Variants in TTYH1 observed in about 807,000 individuals in gnomAD.
The protein encoded by TTYH1 is protein tweety homolog 1.
Under a neutral mutation model 61.2 loss-of-function variants are expected in TTYH1, and 33 were observed. The ratio of observed to expected loss-of-function variants is 0.54; its 90% confidence interval spans 0.41 to 0.72. TTYH1 has a LOEUF of 0.72. Among genes scored for constraint, TTYH1 ranks in the 30% least tolerant of loss-of-function variants. TTYH1 has a pLI of 0.00. For missense variants in TTYH1, 538 were observed against 575.8 expected (o/e 0.93, Z 0.67); for synonymous variants, 308 against 266.4 (o/e 1.16, Z -1.52).
In TTYH1 at chr19:54,426,776, C is replaced by T. The variant is rs1292057662; in HGVS notation, c.734+8C>T. 1.2e-6 allele frequency: 2 copies of T among 1,612,450 alleles called. No individual in the cohort carries two copies. Among genetic ancestry groups the T allele is most frequent in the Non-Finnish European group, 1.7e-6 (2 of 1,179,480 alleles). ...CAAGTGGCTGGTGATCGTGTAAGTGCAGGCAGTAGGGGGACCCAGTGCTTG... is the reference window on the plus strand; with the variant it reads ...CAAGTGGCTGGTGATCGTGTAAGTGTAGGCAGTAGGGGGACCCAGTGCTTG... On this transcript the variant is annotated splice_region_variant and intron_variant, in intron 5 of 13. Transcript: ENST00000376530.
chr19:54,430,970 G>A, intron 9 of TTYH1, 65 bp downstream of exon 9: 1 of 1,571,720 alleles, frequency 6.4e-7, no homozygotes, highest in East Asian at 2.2e-5. Flanking sequence ...GCGGGATGGA[G>A]CTGTGGGGCG....
At position 54,422,234 on chromosome 19, in the gene TTYH1, G is replaced by A. The variant is rs1342430674; in HGVS notation, c.462G>A (p.Glu154=). The change falls in exon 4 of 14, where the codon GAG becomes GAA. Residue 154 remains glutamate (E), a synonymous_variant. Transcript: ENST00000376530. ...VERLGEAVRT[E]LTTLEEVLEP... ...GGCTGGGCGAGGCGGTGAGGACAGAGCTGACCACCCTGGAGGAGGTGCTCG... is the reference window on the plus strand; with the variant it reads ...GGCTGGGCGAGGCGGTGAGGACAGAACTGACCACCCTGGAGGAGGTGCTCG... 1 of 1,567,804 alleles carries A rather than the reference G, an allele frequency of 6.4e-7. No homozygotes were observed. The highest frequency in any genetic ancestry group is 1.9e-5 in the Admixed American group (1 of 52,078).
Position 54,436,339 on chromosome 19 carries a change from C to A in TTYH1, c.*49C>A. 6.2e-7 allele frequency: 1 copy of A among 1,614,194 alleles called. No individual in the cohort carries two copies. On this transcript the variant is annotated 3_prime_UTR_variant, in exon 14 of 14. Transcript: ENST00000376530. The surrounding 1 kb of genome is among the most constrained non-coding windows in gnomAD (Gnocchi z 4.3). ...TCTCTCCCTCTCTCCGCAGTTCCTT[C>A]CCTGGCTGCCGGAGGAGACCCCACT...
In TTYH1 at chr19:54,429,223, C is replaced by T. The variant is rs926597460; in HGVS notation, c.735-84C>T. 8.4e-5 allele frequency: 107 copies of T among 1,270,708 alleles called. No homozygotes were observed. In the Admixed American group the frequency reaches 9.3e-4, roughly 11 times the overall value. 78.7% of individuals were successfully genotyped at this position (1,270,708 alleles called of 1,614,324 possible). A position where few individuals can be genotyped will look rare whatever the true frequency, so the allele number is the denominator to read the frequency against. On this transcript the variant is annotated intron_variant, in intron 5 of 13. Coordinates refer to ENST00000376530, the MANE Select transcript of TTYH1 (RefSeq NM_020659.4). This position sits in a 1 kb window ranked among gnomAD's most constrained non-coding sequence, Gnocchi z 5.1. ...TCCAGAGGTGGGTGGAGGTGGGGGG[C>T]GGCTGTGATGGGATTTGGGGTGTGG...
rs1186117645 is a variant in TTYH1 at position 54,419,300 on chromosome 19, C to G, written c.299C>G (p.Ala100Gly). 1 of 1,598,184 alleles carries G rather than the reference C, an allele frequency of 6.3e-7. No individual in the cohort carries two copies. The highest frequency in any genetic ancestry group is 2.2e-5 in the East Asian group (1 of 44,832). ...VTWSCIVALL[A>G]GCTGIGIGFY... ...TGGAGCTGCATTGTCGCCCTTCTCGCCGGCTGGTAATGGGGCCCCAGGGTG... is the reference window on the plus strand; with the variant it reads ...TGGAGCTGCATTGTCGCCCTTCTCGGCGGCTGGTAATGGGGCCCCAGGGTG... Residue 100 changes from alanine (A) to glycine (G), a missense_variant, in exon 2 of 14, where the codon GCC becomes GGC. By Grantham distance (60) the Ala-to-Gly change is moderately conservative. Around this residue, in one of 3 missense-constraint regions of TTYH1, gnomAD observed 157 missense variants for 157.0 expected, o/e 1.00. Coordinates refer to ENST00000376530, the MANE Select transcript of TTYH1 (RefSeq NM_020659.4). The surrounding 1 kb of genome is among the most constrained non-coding windows in gnomAD (Gnocchi z 6.1).
rs946424523 is a variant in TTYH1, at chr19:54,435,979, G to A, written c.1314+106G>A. 5 of 1,580,970 alleles carry A rather than the reference G, an allele frequency of 3.2e-6. No homozygotes were observed. The Admixed American group carries it at 6.7e-5, about 21-fold the overall frequency. ...GGCCGCCTGGGTCTGAGGGAGGAGGGGCTGGGGCCCGGACTCCTGGGTCTG... is the reference window on the plus strand; with the variant it reads ...GGCCGCCTGGGTCTGAGGGAGGAGGAGCTGGGGCCCGGACTCCTGGGTCTG... On this transcript the variant is annotated intron_variant, in intron 12 of 13. Transcript: ENST00000376530.
intron 3 of TTYH1, 52 bp from the exon 4 acceptor site, chr19:54,422,138 C>T (rs1031510921): frequency 6.1e-6 from 9 of 1,469,208 alleles, no homozygotes; most frequent in African/African-American, 5.6e-5. Flanking sequence ...GCCTCGACCG[C>T]GGGCTCCCCC....
In TTYH1 at chr19:54,421,153, T is replaced by C; in HGVS notation, c.306-124T>C. On this transcript the variant is annotated intron_variant, in intron 2 of 13. Transcript: ENST00000376530. This position sits in a 1 kb window ranked among gnomAD's most constrained non-coding sequence, Gnocchi z 4.8. ...GCCCTTTTCCCACGGGCTGGCCCAA[T>C]GAGGTGGGGCTGAGATGGGAGGGGT... 1.5e-6 allele frequency: 1 copy of C among 664,788 alleles called. No homozygotes were observed. The highest frequency in any genetic ancestry group is 2.7e-6 in the Non-Finnish European group (1 of 370,918). 41.2% of individuals were successfully genotyped at this position (664,788 alleles called of 1,614,324 possible). A position where few individuals can be genotyped will look rare whatever the true frequency, so the allele number is the denominator to read the frequency against.
At chr19:54,432,602 C>G (rs3745425) in intron 10 of TTYH1, 28,924 of 152,086 alleles carry the variant, frequency 0.19, 3,089 homozygotes, top group Middle Eastern at 0.36. Flanking sequence ...CTCTCAATGC[C>G]CAATGCCCCT....
rs2083075728 is a variant in TTYH1 at position 54,416,242 on chromosome 19, C to G, written c.126+564C>G. The G allele has an allele frequency of 2.8e-6, 1 of 357,146 alleles. No homozygotes were observed. Among genetic ancestry groups the G allele is most frequent in the Non-Finnish European group, 5.6e-6 (1 of 179,824 alleles). 22.1% of individuals were successfully genotyped at this position (357,146 alleles called of 1,614,324 possible). On this transcript the variant is annotated intron_variant, in intron 1 of 13. Transcript: ENST00000376530. This position sits in a 1 kb window ranked among gnomAD's most constrained non-coding sequence, Gnocchi z 7.0. ...GAAGGGGCTCTGGGAGAGGAAGCTT[C>G]TTGCCCGTCCCAAGAAAGAAGGGGT...
chr19:54,422,133 G>T lies in TTYH1; in HGVS notation c.418-57G>T. On this transcript the variant is annotated intron_variant, in intron 3 of 13. Transcript: ENST00000376530. The stretch of plus-strand genomic sequence containing the variant: ...CTTCACTTCTAAAACCCCATGCCTC[G>T]ACCGCGGGCTCCCCCCAGGATGTCC... The T allele has an allele frequency of 2.1e-6, 3 of 1,447,982 alleles. No homozygotes were observed. In the South Asian group the frequency reaches 3.8e-5, roughly 19 times the overall value. The allele number at this position is 1,447,982 out of a possible 1,614,324, so 89.7% of individuals were successfully genotyped here. A position where few individuals can be genotyped will look rare whatever the true frequency, so the allele number is the denominator to read the frequency against.
At chr19:54,426,829 T>A (rs1200119124) in intron 5 of TTYH1, 61 bp downstream of exon 5, 1 of 1,459,164 alleles carries the variant, frequency 6.9e-7, no homozygotes, top group Non-Finnish European at 9.5e-7. Flanking sequence ...AGGCAGGACC[T>A]CAGTCTTACA....
intron 8 of TTYH1, 81 bp from the exon 9 acceptor site, chr19:54,430,732 G>C: frequency 1.9e-6 from 3 of 1,580,908 alleles, no homozygotes; most frequent in South Asian, 2.2e-5. Flanking sequence ...CCAGGGGCCC[G>C]AGTGCTGTGT....
Position 54,416,701 on chromosome 19 carries a change from G to T in TTYH1, c.126+1023G>T. On this transcript the variant is annotated intron_variant, in intron 1 of 13. Coordinates refer to ENST00000376530, the MANE Select transcript of TTYH1 (RefSeq NM_020659.4). The surrounding 1 kb of genome is among the most constrained non-coding windows in gnomAD (Gnocchi z 7.0). ...TGTGTTCTGAGCTATTTGGGTCACG[G>T]CTGGCACAGCCCTGAGCAGCTCTTC... 7.9e-7 allele frequency: 1 copy of T among 1,265,188 alleles called. No homozygotes were observed. The highest frequency in any genetic ancestry group is 1.0e-6 in the Non-Finnish European group (1 of 970,232). 78.4% of individuals were successfully genotyped at this position (1,265,188 alleles called of 1,614,324 possible). A position where few individuals can be genotyped will look rare whatever the true frequency, so the allele number is the denominator to read the frequency against.
chr19:54,416,044 C>T lies in TTYH1; in HGVS notation c.126+366C>T, dbSNP rs1294231619. On this transcript the variant is annotated intron_variant, in intron 1 of 13. Coordinates refer to ENST00000376530, the MANE Select transcript of TTYH1 (RefSeq NM_020659.4). This position sits in a 1 kb window ranked among gnomAD's most constrained non-coding sequence, Gnocchi z 7.0. ...TACTCTTCCTGCCCTAAAAGATGAC[C>T]CTGCCCCACAGGATCAGAGCAGGTG... 11 of 1,314,584 alleles carry T rather than the reference C, an allele frequency of 8.4e-6. No individual in the cohort carries two copies. The highest frequency in any genetic ancestry group is 1.5e-5 in the African/African-American group (1 of 66,348). The allele number at this position is 1,314,584 out of a possible 1,614,324, so 81.4% of individuals were successfully genotyped here.
chr19:54,416,906 G>A lies in TTYH1; in HGVS notation c.126+1228G>A, dbSNP rs2083091069. 2 of 1,285,720 alleles carry A rather than the reference G, an allele frequency of 1.6e-6. No individual in the cohort carries two copies. The highest frequency in any genetic ancestry group is 2.0e-6 in the Non-Finnish European group (2 of 985,454). 79.6% of individuals were successfully genotyped at this position (1,285,720 alleles called of 1,614,324 possible). A position where few individuals can be genotyped will look rare whatever the true frequency, so the allele number is the denominator to read the frequency against. ...CCGAAGCCGCACGCGGGGATCCGCGGCCCCAGTCACCGCCAGAGGCACGGG... is the reference window on the plus strand; with the variant it reads ...CCGAAGCCGCACGCGGGGATCCGCGACCCCAGTCACCGCCAGAGGCACGGG... On this transcript the variant is annotated intron_variant, in intron 1 of 13. Coordinates refer to ENST00000376530, the MANE Select transcript of TTYH1 (RefSeq NM_020659.4). The surrounding 1 kb of genome is among the most constrained non-coding windows in gnomAD (Gnocchi z 7.0).
chr19:54,424,650 C>T (rs1280007231), intron 4 of TTYH1, among the ~76,000 whole-genome samples: 1 of 152,200 alleles, frequency 6.6e-6, no homozygotes, highest in East Asian at 1.9e-4. Context: ...GTGAGGCAGA[C>T]CCACCATCAC....
rs1455653413 is a variant in TTYH1, at chr19:54,435,625, A to G, written c.1209A>G (p.Ala403=). Residue 403 remains alanine (A), a synonymous_variant, in exon 11 of 14, where the codon GCA becomes GCG. Transcript: ENST00000376530. ...LFLLLFSLLS[A]GALATALCSL... is the part of the protein sequence containing the mutation. Reference sequence around the variant, plus strand: ...TGCTACTCTTCTCCCTGCTGTCTGCAGGAGCGCTGGCCACTGCCCTCTGCA... The same window carrying G: ...TGCTACTCTTCTCCCTGCTGTCTGCGGGAGCGCTGGCCACTGCCCTCTGCA... 1.4e-5 allele frequency: 23 copies of G among 1,612,044 alleles called. No individual in the cohort carries two copies. Among genetic ancestry groups the G allele is most frequent in the Non-Finnish European group, 1.9e-5 (22 of 1,179,628 alleles).
rs1485055829 is a variant in TTYH1 at position 54,417,377 on chromosome 19, T to C, written c.126+1699T>C. On this transcript the variant is annotated intron_variant, in intron 1 of 13. Coordinates refer to ENST00000376530, the MANE Select transcript of TTYH1 (RefSeq NM_020659.4). ...ACATGCACACACACATATGCACAGG[T>C]ACACACACACGCCCACCTACTCTCA... Among the ~76,000 whole-genome samples the C allele has an allele frequency of 2.7e-5, 4 of 147,348 alleles. No individual in the cohort carries two copies. In the East Asian group the frequency reaches 8.2e-4, roughly 30 times the overall value.
Sources: allele counts gnomAD v4.1 joint callset (sites outside exome capture counted in the v4.1 genomes callset), GRCh38; gene constraint gnomAD v4.1.1; regional missense constraint gnomAD v4.1.1; non-coding constraint Gnocchi (gnomAD v3.1); transcripts MANE v1.5; gene names NCBI Gene and HGNC (gene_info 2026-07-23, HGNC 2026-07-21).